The following PRKACB variants were observed in gnomAD, a reference collection of about 807,000 sequenced individuals.
PRKACB encodes the protein protein kinase cAMP-activated catalytic subunit beta, also known as cAMP-dependent protein kinase catalytic subunit beta.
PRKACB carries 16 observed loss-of-function variants against 51.4 expected under a neutral mutation model. The observed-to-expected ratio is 0.31, with a 90% CI of 0.21 to 0.47. The LOEUF is 0.47. Ranked by LOEUF, PRKACB falls within the 20% of genes least tolerant of loss-of-function variation. PRKACB has a pLI of 1.00. For synonymous variants in PRKACB, 147 were observed against 154.4 expected (o/e 0.95, Z 0.35); for missense variants, 309 against 464.5 (o/e 0.67, Z 3.08).
intron 1 of PRKACB, among the ~76,000 whole-genome samples, chr1:84,117,982 A>T (rs1650764459): frequency 6.6e-6 from 1 of 152,180 alleles, no homozygotes; most frequent in Non-Finnish European, 1.5e-5. Context: ...GCAGCTGTTC[A>T]TGCTTAGGTG....
chr1:84,153,099 G>A (rs1161412901), intron 1 of PRKACB, among the ~76,000 whole-genome samples: 2 of 152,054 alleles, frequency 1.3e-5, no homozygotes, highest in Non-Finnish European at 2.9e-5. Context: ...GGCCCAAGGA[G>A]AGGGAGAGAA....
chr1:84,155,838 G>A (rs751501527), intron 1 of PRKACB, among the ~76,000 whole-genome samples: 16 of 152,122 alleles, frequency 1.1e-4, no homozygotes, highest in Non-Finnish European at 1.8e-4. Context: ...TTTAATCACC[G>A]GCACACTTAT....
chr1:84,146,760 G>T (rs537495300), intron 1 of PRKACB, among the ~76,000 whole-genome samples: 1 of 152,096 alleles, frequency 6.6e-6, no homozygotes, highest in South Asian at 2.1e-4. Flanking sequence ...GACATGAAAT[G>T]CAGCATGCTT....
At position 84,184,178 on chromosome 1, in the gene PRKACB, T is replaced by C. The variant is rs752886347; in HGVS notation, c.477+43T>C. The C allele has an allele frequency of 4.0e-6, 6 of 1,512,222 alleles. No homozygotes were observed. The African/African-American group carries it at 8.5e-5, about 21-fold the overall frequency. The allele number at this position is 1,512,222 out of a possible 1,614,324, so 93.7% of individuals were successfully genotyped here. Reference sequence around the variant, plus strand: ...CTAAATAAGATATTTTCAACCTAAATTTTTTTTAAGATGAAACTATAAATG... The same window carrying C: ...CTAAATAAGATATTTTCAACCTAAACTTTTTTTAAGATGAAACTATAAATG... On this transcript the variant is annotated intron_variant, in intron 4 of 9. Coordinates refer to ENST00000370685, the MANE Select transcript of PRKACB (RefSeq NM_182948.4).
chr1:84,202,932 C>T, intron 8 of PRKACB, 127 bp downstream of exon 8: 2 of 824,846 alleles, frequency 2.4e-6, no homozygotes, highest in South Asian at 3.0e-5. Context: ...TCTACAGTTG[C>T]TGCTCTTACT....
At chr1:84,228,597 A>T (rs572254945) in intron 9 of PRKACB, among the ~76,000 whole-genome samples, 1 of 151,628 alleles carries the variant, frequency 6.6e-6, no homozygotes, top group African/African-American at 2.4e-5. Context: ...ACCATATTCG[A>T]AGTAGTGGGA....
chr1:84,105,977 A>C (rs1413863511), intron 1 of PRKACB, among the ~76,000 whole-genome samples: 1 of 116,720 alleles, frequency 8.6e-6, no homozygotes, highest in Non-Finnish European at 2.0e-5. Flanking sequence ...TCAACAAAAC[A>C]ATAATAAAAA....
At chr1:84,200,800 A>G (rs974768859) in intron 7 of PRKACB, among the ~76,000 whole-genome samples, 3 of 152,002 alleles carry the variant, frequency 2.0e-5, no homozygotes, top group Admixed American at 1.3e-4. Context: ...TCGTAGGTGT[A>G]TGGACTTATT....
At chr1:84,219,363 T>G (rs2101614312) in intron 9 of PRKACB, among the ~76,000 whole-genome samples, 1 of 152,056 alleles carries the variant, frequency 6.6e-6, no homozygotes, top group South Asian at 2.1e-4. Flanking sequence ...TAGCTGGGAT[T>G]ACAGGTGCCC....
At chr1:84,183,080 T>C (rs1459388786) in intron 3 of PRKACB, among the ~76,000 whole-genome samples, 5 of 152,182 alleles carry the variant, frequency 3.3e-5, no homozygotes, top group African/African-American at 9.6e-5. Context: ...TATATATTAA[T>C]ACCTGGCTGG....
chr1:84,207,193 A>T (rs968848215), intron 8 of PRKACB, among the ~76,000 whole-genome samples: 1 of 152,122 alleles, frequency 6.6e-6, no homozygotes, highest in East Asian at 1.9e-4. Flanking sequence ...CTATGAGCAA[A>T]TAATTGCAAA....
In PRKACB at chr1:84,158,393, T is replaced by A. The variant is rs371461955; in HGVS notation, c.187+13845T>A. Among the ~76,000 whole-genome samples the A allele has an allele frequency of 1.2e-4, 18 of 152,302 alleles. No individual in the cohort carries two copies. In the East Asian group the frequency reaches 2.7e-3, roughly 23 times the overall value. ...AGTGTGAATCCGTTGTTCACAGTTG[T>A]TTCACTTTGTATTTTCCTAATAACT... is the stretch of plus-strand genomic sequence containing the variant. On this transcript the variant is annotated intron_variant, in intron 1 of 9. Transcript: ENST00000370685.
intron 2 of PRKACB, chr1:84,181,652 G>C: frequency 6.8e-7 from 1 of 1,471,268 alleles, no homozygotes; most frequent in Non-Finnish European, 9.0e-7. Flanking sequence ...AAGCCACTAG[G>C]CTCTCTCATG....
At chr1:84,179,582 C>T (rs576382837) in intron 2 of PRKACB, among the ~76,000 whole-genome samples, 7 of 151,754 alleles carry the variant, frequency 4.6e-5, no homozygotes, top group African/African-American at 1.4e-4. Flanking sequence ...AGAGTCCTTA[C>T]GTACAGTTTA....
intron 1 of PRKACB, among the ~76,000 whole-genome samples, chr1:84,101,665 A>G (rs1264215221): frequency 6.6e-6 from 1 of 152,206 alleles, no homozygotes; most frequent in Non-Finnish European, 1.5e-5. Context: ...TAAATACAAG[A>G]GCCTTGAAAT....
intron 1 of PRKACB, among the ~76,000 whole-genome samples, chr1:84,082,953 C>T (rs1647665236): frequency 6.6e-6 from 1 of 152,136 alleles, no homozygotes; most frequent in Non-Finnish European, 1.5e-5. Flanking sequence ...CTTATTTCCT[C>T]AGAATAAGCA....
chr1:84,131,882 A>G (rs1029596138), intron 1 of PRKACB, among the ~76,000 whole-genome samples: 1 of 152,228 alleles, frequency 6.6e-6, no homozygotes, highest in Non-Finnish European at 1.5e-5. Context: ...GTATTTTATC[A>G]GGTACTTCAT....
chr1:84,092,372 T>C lies in PRKACB; in HGVS notation c.46+14001T>C, dbSNP rs566016814. Among the ~76,000 whole-genome samples the C allele has an allele frequency of 5.9e-5, 9 of 152,324 alleles. No homozygotes were observed. The South Asian group carries it at 1.7e-3, about 28-fold the overall frequency. On this transcript the variant is annotated intron_variant, in intron 1 of 8. Coordinates refer to the PRKACB transcript ENST00000370688. ...AGTGATTTATTAATTTTCACAGATATATATCATTGTATAAGTATAGCAAAA... is the reference window on the plus strand; with the variant it reads ...AGTGATTTATTAATTTTCACAGATACATATCATTGTATAAGTATAGCAAAA...
intron 1 of PRKACB, chr1:84,175,836 T>G (rs1234980893): frequency 6.7e-7 from 1 of 1,493,012 alleles, no homozygotes; most frequent in East Asian, 2.4e-5. Flanking sequence ...GAATGCAATG[T>G]GATAGACTAT....
Sources: allele counts gnomAD v4.1 joint callset (sites outside exome capture counted in the v4.1 genomes callset), GRCh38; gene constraint gnomAD v4.1.1; transcripts MANE v1.5; gene names NCBI Gene and HGNC (gene_info 2026-07-23, HGNC 2026-07-21).